The following OPCML variants were observed in gnomAD, a reference collection of about 807,000 sequenced individuals.
The protein encoded by OPCML is opioid-binding protein/cell adhesion molecule.
In OPCML, 13 loss-of-function variants were observed where a neutral mutation model predicts 37.8. The observed-to-expected ratio is 0.34, with a 90% CI of 0.22 to 0.55. The LOEUF (loss-of-function observed/expected upper bound fraction) is 0.55. OPCML is among the 20% of genes least tolerant of loss of function. The pLI is 0.91. For missense variants in OPCML, 341 were observed against 435.6 expected, an observed-to-expected ratio of 0.78 and a Z score of 1.93; for synonymous variants, 176 against 168.8, an observed-to-expected ratio of 1.04 and a Z score of -0.33.
At chr11:132,617,627 C>A (rs1939121130) in intron 3 of OPCML, among the ~76,000 whole-genome samples, 1 of 152,192 alleles carries the variant, frequency 6.6e-6, no homozygotes, top group Non-Finnish European at 1.5e-5. Flanking sequence ...GTGCCTTGAA[C>A]AACAGAAATT....
intron 1 of OPCML, among the ~76,000 whole-genome samples, chr11:133,334,305 T>C (rs1242415430): frequency 6.6e-6 from 1 of 152,194 alleles, no homozygotes; most frequent in Non-Finnish European, 1.5e-5. Flanking sequence ...TGGAATATTA[T>C]GCAGCAGTGA....
chr11:133,359,855 C>T (rs1944374845), intron 1 of OPCML, among the ~76,000 whole-genome samples: 1 of 152,172 alleles, frequency 6.6e-6, no homozygotes, highest in African/African-American at 2.4e-5. Flanking sequence ...GAATGATAAC[C>T]AGCGGAAGAT....
intron 1 of OPCML, among the ~76,000 whole-genome samples, chr11:133,349,903 G>T (rs1046854138): frequency 3.3e-5 from 5 of 152,144 alleles, no homozygotes; most frequent in African/African-American, 9.7e-5. Context: ...CTGTACCCTG[G>T]CCTCCTTTTA....
chr11:133,293,053 C>A (rs569280538), intron 1 of OPCML, among the ~76,000 whole-genome samples: 12 of 152,250 alleles, frequency 7.9e-5, no homozygotes, highest in African/African-American at 2.9e-4. Context: ...TGGAGATATG[C>A]AGAACTGAGT....
intron 2 of OPCML, among the ~76,000 whole-genome samples, chr11:132,885,598 G>C (rs918841284): frequency 2.0e-5 from 3 of 152,042 alleles, no homozygotes; most frequent in African/African-American, 7.2e-5. Flanking sequence ...TGGTATTTGG[G>C]GTAAAAGGGC....
At chr11:132,433,438 C>A (rs1333132421) in intron 7 of OPCML, among the ~76,000 whole-genome samples, 1 of 152,148 alleles carries the variant, frequency 6.6e-6, no homozygotes, top group Non-Finnish European at 1.5e-5. Flanking sequence ...ATGGACACAA[C>A]CTGATTTAAT....
chr11:132,935,791 G>C (rs1240047311), intron 2 of OPCML, among the ~76,000 whole-genome samples: 1 of 152,098 alleles, frequency 6.6e-6, no homozygotes, highest in East Asian at 1.9e-4. Flanking sequence ...CGTATTTTAG[G>C]GTTTAAACAA....
At chr11:133,471,583 T>C (rs1293482197) in intron 1 of OPCML, among the ~76,000 whole-genome samples, 4 of 152,298 alleles carry the variant, frequency 2.6e-5, no homozygotes, top group Non-Finnish European at 2.9e-5. Context: ...TTCCACTGTA[T>C]TCCCTTCTGT....
At chr11:132,605,753 T>G (rs1347144515) in intron 3 of OPCML, among the ~76,000 whole-genome samples, 2 of 152,196 alleles carry the variant, frequency 1.3e-5, no homozygotes, top group African/African-American at 2.4e-5. Context: ...TATCCTAAAT[T>G]GAGACCACAA....
At chr11:133,140,350 A>T (rs1949752361) in intron 1 of OPCML, among the ~76,000 whole-genome samples, 1 of 147,952 alleles carries the variant, frequency 6.8e-6, no homozygotes, top group African/African-American at 2.5e-5. Flanking sequence ...CATCTCTACT[A>T]AAAAAAATAC....
Position 132,833,392 on chromosome 11 carries a change from AG to A in OPCML, c.146+109533del, listed in dbSNP as rs377471639. Among the ~76,000 whole-genome samples the A allele has an allele frequency of 5.1e-4, 77 of 152,266 alleles. No individual in the cohort carries two copies. The East Asian group carries it at 0.013, about 26-fold the overall frequency. On this transcript the variant is annotated intron_variant, in intron 2 of 7. Transcript: ENST00000524381. The stretch of plus-strand genomic sequence containing the variant: ...CCTCCGTATCTCATCCCACTCCAAG[AG>A]CTTCAGGGGCAATAACACGCATGGA...
At chr11:132,460,026 T>C (rs1369529305) in intron 4 of OPCML, among the ~76,000 whole-genome samples, 3 of 151,990 alleles carry the variant, frequency 2.0e-5, no homozygotes, top group Non-Finnish European at 2.9e-5. Context: ...GTTGTGGGGG[T>C]GGGATGGCTA....
At chr11:132,721,308 A>G (rs1565806572) in intron 2 of OPCML, among the ~76,000 whole-genome samples, 1 of 152,210 alleles carries the variant, frequency 6.6e-6, no homozygotes. Context: ...GGAGGAGGCC[A>G]TGCTTCAGAT....
chr11:133,141,882 C>T (rs1949828704), intron 1 of OPCML, among the ~76,000 whole-genome samples: 1 of 152,232 alleles, frequency 6.6e-6, no homozygotes, highest in Non-Finnish European at 1.5e-5. Context: ...ATTCTTCCTT[C>T]TCACGCTCTG....
At chr11:133,400,840 G>T (rs755120174) in intron 1 of OPCML, among the ~76,000 whole-genome samples, 11 of 152,062 alleles carry the variant, frequency 7.2e-5, no homozygotes, top group Non-Finnish European at 1.5e-4. Context: ...AAGGTAGTAG[G>T]TTCCTGAGAA....
At chr11:132,829,840 T>C (rs553251334) in intron 2 of OPCML, among the ~76,000 whole-genome samples, 1 of 152,366 alleles carries the variant, frequency 6.6e-6, no homozygotes, top group East Asian at 1.9e-4. Context: ...TTCTCATAAA[T>C]GGTTTGGATC....
At chr11:132,664,006 G>A (rs2135794295) in intron 2 of OPCML, among the ~76,000 whole-genome samples, 1 of 152,036 alleles carries the variant, frequency 6.6e-6, no homozygotes, top group African/African-American at 2.4e-5. Context: ...CTAATTTTTT[G>A]TATTTTTAGT....
intron 1 of OPCML, among the ~76,000 whole-genome samples, chr11:133,338,794 C>T (rs750404114): frequency 2.6e-5 from 4 of 152,166 alleles, no homozygotes; most frequent in African/African-American, 4.8e-5. Context: ...GCTTTGCCCA[C>T]GCACCAGGAA....
chr11:132,499,639 CT>C (rs2096241465), intron 4 of OPCML, among the ~76,000 whole-genome samples: 1 of 152,232 alleles, frequency 6.6e-6, no homozygotes, highest in Admixed American at 6.5e-5. Flanking sequence ...CTGATTCTCA[CT>C]GCCTCTCTGA....
Sources: allele counts gnomAD v4.1 joint callset (sites outside exome capture counted in the v4.1 genomes callset), GRCh38; gene constraint gnomAD v4.1.1; transcripts MANE v1.5; gene names NCBI Gene and HGNC (gene_info 2026-07-23, HGNC 2026-07-21).